Variants in GRIP1 observed in about 807,000 individuals in gnomAD.
The protein encoded by GRIP1 is glutamate receptor interacting protein 1, also known as glutamate receptor-interacting protein 1.
A neutral mutation model predicts 129.9 loss-of-function variants in GRIP1; 45 were observed. The observed-to-expected ratio is 0.35, with a 90% CI of 0.27 to 0.44. The LOEUF is 0.44. GRIP1 is among the 20% of genes least tolerant of loss of function. GRIP1 has a pLI of 1.00. For missense variants in GRIP1, 1,196 were observed against 1,396.8 expected (o/e 0.86, Z 2.29); for synonymous variants, 530 against 520.8 (o/e 1.02, Z -0.24).
intron 7 of GRIP1, among the ~76,000 whole-genome samples, chr12:66,495,655 C>T (rs1346191585): frequency 1.3e-5 from 2 of 152,136 alleles, no homozygotes; most frequent in African/African-American, 2.4e-5. Context: ...CCCCCACCCC[C>T]GTGCCCTCCC....
intron 17 of GRIP1, 78 bp downstream of exon 17, chr12:66,394,130 G>T: frequency 7.8e-7 from 1 of 1,280,364 alleles, no homozygotes; most frequent in Non-Finnish European, 1.1e-6. Flanking sequence ...ACAGAGAGAG[G>T]AGCATGTTTT....
chr12:66,658,160 CA>C (rs921422996), intron 1 of GRIP1, among the ~76,000 whole-genome samples: 53 of 151,702 alleles, frequency 3.5e-4, no homozygotes, highest in African/African-American at 1.2e-3. Context: ...TTTGTTAATG[CA>C]AAAAAACCTC....
chr12:67,029,563 A>G lies in GRIP1; in HGVS notation c.58+39487T>C, dbSNP rs530001430. The stretch of plus-strand genomic sequence containing the variant: ...TATTGCCCTCTAGCCTAGGCAACAG[A>G]GCAAGACCCTGACTCAAAAAAAAAA... On this transcript the variant is annotated intron_variant, in intron 1 of 1. Transcript: ENST00000643019. Among the ~76,000 whole-genome samples the G allele has an allele frequency of 8.0e-4, 110 of 137,898 alleles. 1 individual carries two copies. The highest frequency in any genetic ancestry group is 3.0e-3 in the African/African-American group (109 of 36,892). 90.5% of individuals were successfully genotyped at this position (137,898 alleles called of 152,430 possible). A position where few individuals can be genotyped will look rare whatever the true frequency, so the allele number is the denominator to read the frequency against.
At chr12:67,045,880 C>T (rs959478688) in intron 1 of GRIP1, among the ~76,000 whole-genome samples, 14 of 152,098 alleles carry the variant, frequency 9.2e-5, no homozygotes, top group African/African-American at 3.4e-4. Context: ...GTGATCAGAC[C>T]CGCAACAGTT....
intron 21 of GRIP1, 42 bp from the exon 22 acceptor site, chr12:66,377,103 A>C (rs772241593): frequency 6.3e-7 from 1 of 1,589,036 alleles, no homozygotes; most frequent in South Asian, 1.1e-5. Context: ...TGGTGTGAGA[A>C]ATGCAAACTT....
At chr12:66,830,035 A>G (rs925637066) in intron 1 of GRIP1, among the ~76,000 whole-genome samples, 2 of 152,234 alleles carry the variant, frequency 1.3e-5, no homozygotes, top group Admixed American at 6.5e-5. Context: ...AGGCTAGAAT[A>G]CAGCCAGGTT....
At chr12:66,526,373 T>C (rs560146536) in intron 5 of GRIP1, among the ~76,000 whole-genome samples, 1 of 152,128 alleles carries the variant, frequency 6.6e-6, no homozygotes, top group African/African-American at 2.4e-5. Context: ...GAAATAATGC[T>C]GCATGTCTAC....
chr12:66,893,181 GCTT>G (rs2040690443), intron 1 of GRIP1, among the ~76,000 whole-genome samples: 1 of 151,814 alleles, frequency 6.6e-6, no homozygotes, highest in Non-Finnish European at 1.5e-5. Context: ...TTTGGAATTG[GCTT>G]TTTTTTTCAG....
upstream of GRIP1, among the ~76,000 whole-genome samples, chr12:66,807,078 T>C (rs898945961): frequency 6.6e-6 from 1 of 152,016 alleles, no homozygotes; most frequent in South Asian, 2.1e-4. Flanking sequence ...AGGGAAAGCA[T>C]GAGTATATGG....
rs150702228 is a variant in GRIP1 at position 66,423,647 on chromosome 12, A to G, written c.1769-2858T>C. ...AGCGCCTCTGCTCTGGGCACTGGCTATGAACCTCCAGGGAAGTTGAATAAA... is the reference window on the plus strand; with the variant it reads ...AGCGCCTCTGCTCTGGGCACTGGCTGTGAACCTCCAGGGAAGTTGAATAAA... On this transcript the variant is annotated intron_variant, in intron 14 of 24. Transcript: ENST00000359742. Among the ~76,000 whole-genome samples the G allele has an allele frequency of 7.3e-3, 1,108 of 152,332 alleles. 8 individuals are homozygous for G. The highest frequency in any genetic ancestry group is 0.013 in the Non-Finnish European group (879 of 68,034).
chr12:67,050,931 AAG>A (rs2135849555), intron 1 of GRIP1, among the ~76,000 whole-genome samples: 1 of 152,324 alleles, frequency 6.6e-6, no homozygotes, highest in South Asian at 2.1e-4. Context: ...CCAGAAAGGT[AAG>A]AGGAAACTAC....
chr12:66,462,926 T>A lies in GRIP1; in HGVS notation c.1040A>T (p.His347Leu), dbSNP rs2059176931. ...QTRLALKGPD[H>L]VKIQRSDRQL... Reference sequence around the variant, plus strand: ...TTGATCCAGGTGGACCATCTCACCATGGTCGGGCCCCTTTAGGGCCAGCCG... The same window carrying A: ...TTGATCCAGGTGGACCATCTCACCAAGGTCGGGCCCCTTTAGGGCCAGCCG... The change falls in exon 9 of 25, where the codon CAT becomes CTT. Residue 347 changes from histidine to leucine, a missense_variant and splice_region_variant. This residue lies in a region of GRIP1 where 508 missense variants were observed against 587.0 expected (regional missense o/e 0.87). Transcript: ENST00000359742. The A allele has an allele frequency of 2.5e-6, 4 of 1,612,498 alleles. No homozygotes were observed. The East Asian group carries it at 8.9e-5, about 36-fold the overall frequency.
At chr12:66,360,287 C>T (rs1347145803) in intron 23 of GRIP1, among the ~76,000 whole-genome samples, 1 of 151,870 alleles carries the variant, frequency 6.6e-6, no homozygotes, top group Non-Finnish European at 1.5e-5. Context: ...CACTGGGTTT[C>T]TTCTCATCAG....
chr12:66,587,800 G>A (rs944912280), intron 2 of GRIP1, among the ~76,000 whole-genome samples: 58 of 152,268 alleles, frequency 3.8e-4, no homozygotes, highest in Middle Eastern at 3.4e-3. Flanking sequence ...TTTACATTCC[G>A]TGCAGAAGGC....
chr12:67,025,277 G>A (rs961163971), intron 1 of GRIP1, among the ~76,000 whole-genome samples: 2 of 152,110 alleles, frequency 1.3e-5, no homozygotes, highest in African/African-American at 4.8e-5. Flanking sequence ...GGAGGTGGAG[G>A]TTGCAGTAAG....
chr12:66,559,206 A>T (rs11176262), intron 2 of GRIP1, among the ~76,000 whole-genome samples: 61,589 of 151,598 alleles, frequency 0.41, 12,702 homozygotes, highest in African/African-American at 0.46. Flanking sequence ...AAACCATATA[A>T]GGCAGACCCA....
chr12:66,524,758 A>T (rs1021734536), intron 5 of GRIP1, among the ~76,000 whole-genome samples: 4 of 152,226 alleles, frequency 2.6e-5, no homozygotes, highest in African/African-American at 9.6e-5. Context: ...TTTTGAAAAG[A>T]TCAACAAAAT....
In GRIP1 at chr12:66,520,856, T is replaced by C. The variant is rs2060980176; in HGVS notation, c.503-2880A>G. The stretch of plus-strand genomic sequence containing the variant: ...AACAGCAGTATATTTTGGTACAGTG[T>C]TTCAATAATTAGGCTATGTATGCAT... On this transcript the variant is annotated intron_variant, in intron 5 of 24. Coordinates refer to ENST00000359742, the MANE Select transcript of GRIP1 (RefSeq NM_001366722.1). 1.3e-5 allele frequency among the ~76,000 whole-genome samples: 2 copies of C among 152,236 alleles called. 1 individual carries two copies. Among genetic ancestry groups the C allele is most frequent in the South Asian group, 4.1e-4 (2 of 4,834 alleles).
At chr12:66,505,906 C>G (rs1229223216) in intron 7 of GRIP1, among the ~76,000 whole-genome samples, 1 of 152,090 alleles carries the variant, frequency 6.6e-6, no homozygotes, top group African/African-American at 2.4e-5. Flanking sequence ...CTTGAGCAGA[C>G]CATTTCACAA....
Sources: gnomAD v4.1 joint callset for allele counts (sites outside exome capture counted in the v4.1 genomes callset) on GRCh38, gnomAD v4.1.1 for gene constraint, gnomAD v4.1.1 regional missense constraint, MANE v1.5 for transcripts, NCBI Gene and HGNC (gene_info 2026-07-23, HGNC 2026-07-21) for gene names.